Variants in TMPRSS11F observed in about 807,000 individuals in gnomAD.
TMPRSS11F encodes the protein transmembrane protease serine 11F.
A neutral mutation model predicts 60.2 loss-of-function variants in TMPRSS11F; 47 were observed. That is an observed-to-expected ratio of 0.78 (90% confidence interval 0.62 to 1.00). The LOEUF (loss-of-function observed/expected upper bound fraction) is 1.00, where lower values mean the gene tolerates loss of function less well. Ranked by LOEUF, TMPRSS11F falls within the 50% of genes least tolerant of loss-of-function variation. TMPRSS11F has a pLI of 0.00. For missense variants in TMPRSS11F, 519 were observed against 522.9 expected (o/e 0.99, Z 0.07); for synonymous variants, 166 against 167.3 (o/e 0.99, Z 0.06).
At chr4:68,096,604 C>T (rs915345612) in intron 2 of TMPRSS11F, among the ~76,000 whole-genome samples, 10 of 152,086 alleles carry the variant, frequency 6.6e-5, no homozygotes, top group African/African-American at 2.2e-4. Context: ...GATAAATCAA[C>T]CATATTCAAA....
At chr4:68,126,096 C>T (rs745406828) in intron 1 of TMPRSS11F, among the ~76,000 whole-genome samples, 9 of 152,040 alleles carry the variant, frequency 5.9e-5, no homozygotes, top group Non-Finnish European at 1.2e-4. Flanking sequence ...TTATTTATCA[C>T]GTTTCCTCCT....
intron 3 of TMPRSS11F, among the ~76,000 whole-genome samples, chr4:68,079,612 A>G (rs959110422): frequency 1.3e-5 from 2 of 152,066 alleles, no homozygotes; most frequent in Non-Finnish European, 2.9e-5. Context: ...TCTGTTGGAA[A>G]CTCAGTAATA....
At chr4:68,072,230 A>AAT (rs545198741) in intron 5 of TMPRSS11F, 93 bp downstream of exon 5, 19,183 of 92,858 alleles carry the variant, frequency 0.21, 2,601 homozygotes, top group Middle Eastern at 0.44. Context: ...CCAAAAAAAA[A>AAT]ATATATATAT....
At chr4:68,073,559 G>A (rs957685358) in intron 4 of TMPRSS11F, among the ~76,000 whole-genome samples, 1 of 152,188 alleles carries the variant, frequency 6.6e-6, no homozygotes, top group African/African-American at 2.4e-5. Flanking sequence ...AACATGCACT[G>A]TCATGAAAGA....
intron 3 of TMPRSS11F, among the ~76,000 whole-genome samples, chr4:68,087,096 T>C (rs987597971): frequency 2.0e-5 from 3 of 152,156 alleles, no homozygotes; most frequent in African/African-American, 7.2e-5. Context: ...CCAATACTCC[T>C]TATAAACATA....
chr4:68,103,224 T>G (rs1202416877), intron 1 of TMPRSS11F, among the ~76,000 whole-genome samples: 1 of 152,160 alleles, frequency 6.6e-6, no homozygotes, highest in Non-Finnish European at 1.5e-5. Flanking sequence ...GTGGATCACT[T>G]CAGTCCAGGA....
At chr4:68,070,512 C>G (rs1209456614) in intron 5 of TMPRSS11F, among the ~76,000 whole-genome samples, 1 of 152,148 alleles carries the variant, frequency 6.6e-6, no homozygotes, top group Non-Finnish European at 1.5e-5. Context: ...TTAGTCAATG[C>G]AGGTTGATAA....
chr4:68,075,072 T>G (rs534603183), intron 3 of TMPRSS11F, among the ~76,000 whole-genome samples: 1 of 152,296 alleles, frequency 6.6e-6, no homozygotes, highest in South Asian at 2.1e-4. Context: ...TAAGATCTAT[T>G]TCCATGGTAA....
chr4:68,108,406 A>T (rs1402149964), intron 1 of TMPRSS11F, among the ~76,000 whole-genome samples: 2 of 152,168 alleles, frequency 1.3e-5, no homozygotes, highest in African/African-American at 4.8e-5. Flanking sequence ...GGGTGTACAG[A>T]AGTCTGCCAG....
intron 9 of TMPRSS11F, among the ~76,000 whole-genome samples, chr4:68,058,209 TAA>T (rs1390177679): frequency 1.3e-5 from 2 of 152,194 alleles, no homozygotes; most frequent in African/African-American, 4.8e-5. Flanking sequence ...TCAAAATAGC[TAA>T]GAGAGTAAAT....
At chr4:68,062,859 G>A (rs1447143168) in intron 8 of TMPRSS11F, 4 of 779,482 alleles carry the variant, frequency 5.1e-6, no homozygotes, top group South Asian at 1.3e-5. Context: ...GTATTGGGTG[G>A]TCTGTTTGCT....
At position 68,074,002 on chromosome 4, in the gene TMPRSS11F, C is replaced by T. The variant is rs562542626; in HGVS notation, c.290G>A (p.Arg97Lys). The T allele has an allele frequency of 9.6e-6, 15 of 1,558,012 alleles. No individual in the cohort carries two copies. In the Admixed American group the frequency reaches 2.7e-4, roughly 28 times the overall value. ...RSHQIERMMSRIFRHSSVGGR... is the reference protein window; with the variant it reads ...RSHQIERMMSKIFRHSSVGGR... ...GCCTACAGAAGAATGTCGAAATATC[C>T]TAGACATCTGATTTTTAAAAAATAA... is the stretch of plus-strand genomic sequence containing the variant. Residue 97 changes from arginine (R) to lysine (K), a missense_variant, in exon 4 of 10, where the codon AGG becomes AAG. Transcript: ENST00000356291.
At chr4:68,116,441 A>G (rs539843068) in intron 1 of TMPRSS11F, among the ~76,000 whole-genome samples, 2 of 152,302 alleles carry the variant, frequency 1.3e-5, no homozygotes, top group African/African-American at 4.8e-5. Context: ...TACAGGTTCA[A>G]TGCAATCCTG....
intron 2 of TMPRSS11F, among the ~76,000 whole-genome samples, chr4:68,091,170 A>C (rs2109864872): frequency 6.6e-6 from 1 of 152,198 alleles, no homozygotes; most frequent in South Asian, 2.1e-4. Context: ...TGTCTTTTTC[A>C]AGGACAACCA....
intron 1 of TMPRSS11F, among the ~76,000 whole-genome samples, chr4:68,127,626 C>T (rs1724739435): frequency 6.6e-6 from 1 of 152,078 alleles, no homozygotes; most frequent in African/African-American, 2.4e-5. Flanking sequence ...GACTTCAGGG[C>T]TATCTAACCC....
rs1013463895 is a variant in TMPRSS11F at position 68,053,683 on chromosome 4, A to C, written c.*226T>G. 2 of 399,344 alleles carry C rather than the reference A, an allele frequency of 5.0e-6. No individual in the cohort carries two copies. The highest frequency in any genetic ancestry group is 2.0e-5 in the African/African-American group (1 of 48,796). 24.7% of individuals were successfully genotyped at this position (399,344 alleles called of 1,614,324 possible). On this transcript the variant is annotated 3_prime_UTR_variant, in exon 10 of 10. Transcript: ENST00000356291. ...TCACAAGCAGTTTCCCTTGTGAGTA[A>C]GGAATAGGTGCTGTCTGTCATTTGC...
chr4:68,070,709 T>G (rs6552144), intron 5 of TMPRSS11F, among the ~76,000 whole-genome samples: 145,268 of 152,212 alleles, frequency 0.95, 69,711 homozygotes, highest in East Asian at 1. Context: ...ATTCATTCAT[T>G]TTCATTATAA....
chr4:68,053,945 CTTAG>C lies in TMPRSS11F; in HGVS notation c.1277_1280del (p.Thr426SerfsTer18). ...TCTTTGAGGCAATCCAATCTCGATA[CTTAG>C]TTACTCTGGTGTAGACTCCAGGTTT... On this transcript the variant is annotated frameshift_variant, in exon 10 of 10. Coordinates refer to ENST00000356291, the MANE Select transcript of TMPRSS11F (RefSeq NM_207407.2). LOFTEE classifies it high-confidence loss of function. 2 of 1,613,646 alleles carry C rather than the reference CTTAG, an allele frequency of 1.2e-6. No individual in the cohort carries two copies. Among genetic ancestry groups the C allele is most frequent in the Non-Finnish European group, 1.7e-6 (2 of 1,179,622 alleles).
rs116006920 is a variant in TMPRSS11F at position 68,095,400 on chromosome 4, C to T, written c.163+3487G>A. On this transcript the variant is annotated intron_variant, in intron 2 of 9. Transcript: ENST00000356291. The stretch of plus-strand genomic sequence containing the variant: ...CACAATAGCAGAAAATCCAAATGAG[C>T]GACTGAGACATGGACAGATCCTCTA... Among the ~76,000 whole-genome samples the T allele has an allele frequency of 5.8e-3, 885 of 152,040 alleles. 11 individuals are homozygous for T. The highest frequency in any genetic ancestry group is 0.021 in the African/African-American group (851 of 41,486).
Sources: allele counts gnomAD v4.1 joint callset (sites outside exome capture counted in the v4.1 genomes callset), GRCh38; gene constraint gnomAD v4.1.1; transcripts MANE v1.5; gene names NCBI Gene and HGNC (gene_info 2026-07-23, HGNC 2026-07-21).